Variants in TCF7L1 observed in about 807,000 individuals in gnomAD.
TCF7L1 encodes transcription factor 7-like 1.
A neutral mutation model predicts 63.7 loss-of-function variants in TCF7L1; 18 were observed. That is an observed-to-expected ratio of 0.28 (90% CI 0.20 to 0.42). The LOEUF is 0.42. Ranked by LOEUF, TCF7L1 falls within the 10% of genes least tolerant of loss-of-function variation. The pLI is 1.00. For synonymous variants in TCF7L1, 355 were observed against 340.9 expected, an observed-to-expected ratio of 1.04 and a Z score of -0.46; for missense variants, 654 against 779.3, an observed-to-expected ratio of 0.84 and a Z score of 1.91.
At chr2:85,276,453 C>A (rs1215918931) in intron 3 of TCF7L1, among the ~76,000 whole-genome samples, 1 of 152,222 alleles carries the variant, frequency 6.6e-6, no homozygotes, top group Non-Finnish European at 1.5e-5. Context: ...TCAAAATGCT[C>A]TCCTTGTCCT....
intron 11 of TCF7L1, among the ~76,000 whole-genome samples, chr2:85,308,538 C>G (rs558143053): frequency 7.3e-6 from 1 of 137,078 alleles, no homozygotes; most frequent in Non-Finnish European, 1.6e-5. Flanking sequence ...TTCCGCCCTC[C>G]CTTTCTCCTT....
In TCF7L1 at chr2:85,153,543, G is replaced by A. The variant is rs184139462; in HGVS notation, c.441+19093G>A. ...TTTTTAGTAAAGATGGGATTTCACCGTGTTAGCCAGGTTGGTCTCGATCTC... is the reference window on the plus strand; with the variant it reads ...TTTTTAGTAAAGATGGGATTTCACCATGTTAGCCAGGTTGGTCTCGATCTC... On this transcript the variant is annotated intron_variant, in intron 3 of 11. Coordinates refer to ENST00000282111, the MANE Select transcript of TCF7L1 (RefSeq NM_031283.3). Among the ~76,000 whole-genome samples the A allele has an allele frequency of 3.2e-3, 492 of 151,966 alleles. 2 individuals are homozygous for A. The highest frequency in any genetic ancestry group is 0.011 in the African/African-American group (463 of 41,448).
chr2:85,279,746 G>A (rs527903182), intron 3 of TCF7L1, among the ~76,000 whole-genome samples: 12 of 152,098 alleles, frequency 7.9e-5, no homozygotes, highest in Non-Finnish European at 1.6e-4. Context: ...CTCCCAGAGT[G>A]AGTCCCTCCC....
At chr2:85,189,746 G>C (rs1210228177) in intron 3 of TCF7L1, among the ~76,000 whole-genome samples, 1 of 152,230 alleles carries the variant, frequency 6.6e-6, no homozygotes, top group Non-Finnish European at 1.5e-5. Context: ...CAGGCTGAAA[G>C]GGCCCATTCA....
intron 3 of TCF7L1, among the ~76,000 whole-genome samples, chr2:85,170,696 G>A (rs1323172370): frequency 6.6e-6 from 1 of 152,076 alleles, no homozygotes; most frequent in African/African-American, 2.4e-5. Context: ...GGACATCCCA[G>A]GAAAGAAAAA....
At chr2:85,174,921 T>C (rs1291812986) in intron 3 of TCF7L1, among the ~76,000 whole-genome samples, 4 of 152,224 alleles carry the variant, frequency 2.6e-5, no homozygotes, top group African/African-American at 7.2e-5. Flanking sequence ...CAGGCCTTTT[T>C]GGACATGACC....
At chr2:85,202,702 A>C (rs967885783) in intron 3 of TCF7L1, among the ~76,000 whole-genome samples, 1 of 152,228 alleles carries the variant, frequency 6.6e-6, no homozygotes, top group East Asian at 1.9e-4. Context: ...ATATTAGAAT[A>C]TTAGAGCAGG....
At chr2:85,194,278 A>G (rs1366014427) in intron 3 of TCF7L1, among the ~76,000 whole-genome samples, 1 of 152,200 alleles carries the variant, frequency 6.6e-6, no homozygotes, top group Non-Finnish European at 1.5e-5. Context: ...CTGTAATCCC[A>G]GCACTTTGGG....
chr2:85,218,113 T>C (rs1436111492), intron 3 of TCF7L1, among the ~76,000 whole-genome samples: 1 of 152,166 alleles, frequency 6.6e-6, no homozygotes, highest in Non-Finnish European at 1.5e-5. Flanking sequence ...ATATGTCTTA[T>C]ATCCCTTAAG....
intron 4 of TCF7L1, among the ~76,000 whole-genome samples, chr2:85,290,938 C>T (rs1032977600): frequency 1.3e-5 from 2 of 152,264 alleles, no homozygotes; most frequent in African/African-American, 4.8e-5. Context: ...TGGGCGGCAG[C>T]CACACCTTGT....
At chr2:85,151,422 T>A (rs1039219204) in intron 3 of TCF7L1, among the ~76,000 whole-genome samples, 5 of 152,202 alleles carry the variant, frequency 3.3e-5, no homozygotes, top group Non-Finnish European at 5.9e-5. Context: ...TCTCCTTTTT[T>A]AACTTATTTT....
intron 4 of TCF7L1, among the ~76,000 whole-genome samples, chr2:85,289,395 AG>A (rs1681633231): frequency 6.6e-6 from 1 of 152,218 alleles, no homozygotes; most frequent in African/African-American, 2.4e-5. Context: ...AAATGGTTGC[AG>A]TTCTCCAAAA....
rs541606910 is a variant in TCF7L1 at position 85,207,999 on chromosome 2, C to T, written c.441+73549C>T. ...TCGGCCCACTGCAAGCTCTGCCTCC[C>T]GGGTTCACGCCATTCTCCTGCCTCA... On this transcript the variant is annotated intron_variant, in intron 3 of 11. Transcript: ENST00000282111. Among the ~76,000 whole-genome samples, 639 of 152,134 alleles carry T rather than the reference C, an allele frequency of 4.2e-3. 8 individuals carry two copies. Among genetic ancestry groups the T allele is most frequent in the African/African-American group, 0.015 (624 of 41,498 alleles).
At chr2:85,194,663 A>C (rs1357948381) in intron 3 of TCF7L1, among the ~76,000 whole-genome samples, 1 of 152,144 alleles carries the variant, frequency 6.6e-6, no homozygotes, top group East Asian at 1.9e-4. Context: ...CCTTGAGCCC[A>C]GGGTAAATAG....
At position 85,276,432 on chromosome 2, in the gene TCF7L1, AATGAC is replaced by A. The variant is rs565169504; in HGVS notation, c.442-7060_442-7056del. Among the ~76,000 whole-genome samples, 249 of 152,346 alleles carry A rather than the reference AATGAC, an allele frequency of 1.6e-3. 1 individual carries two copies. The highest frequency in any genetic ancestry group is 5.8e-3 in the African/African-American group (240 of 41,566). On this transcript the variant is annotated intron_variant, in intron 3 of 11. Coordinates refer to ENST00000282111, the MANE Select transcript of TCF7L1 (RefSeq NM_031283.3). The stretch of plus-strand genomic sequence containing the variant: ...TGTGGCGGCTTCCCACCACAGTGAC[AATGAC>A]ATTATTCAAAATGCTCTCCTTGTCC...
At chr2:85,308,880 T>A in intron 11 of TCF7L1, 149 bp from the exon 12 acceptor site, 3 of 894,738 alleles carry the variant, frequency 3.4e-6, no homozygotes, top group Admixed American at 2.4e-5. Context: ...GAATGCAGTT[T>A]CCTAGTCTTG....
chr2:85,305,282 C>G lies in TCF7L1; in HGVS notation c.868C>G (p.Pro290Ala). 1 of 1,614,106 alleles carries G rather than the reference C, an allele frequency of 6.2e-7. No individual in the cohort carries two copies. The highest frequency in any genetic ancestry group is 8.5e-7 in the Non-Finnish European group (1 of 1,180,028). The change falls in exon 8 of 12, where the codon CCT becomes GCT. Residue 290 changes from proline to alanine, a missense_variant. Coordinates refer to ENST00000282111, the MANE Select transcript of TCF7L1 (RefSeq NM_031283.3). ...CAGCCTGGTCTCCAGTCGGTTCTCT[C>G]CTCACATGGTGGCTCCTGCCCACCC... ...MSSLVSSRFS[P>A]HMVAPAHPGL... is the part of the protein sequence containing the mutation.
intron 3 of TCF7L1, among the ~76,000 whole-genome samples, chr2:85,260,812 G>T (rs555323334): frequency 6.6e-6 from 1 of 152,256 alleles, no homozygotes; most frequent in South Asian, 2.1e-4. Flanking sequence ...AGAAAACTCA[G>T]TATCACATAC....
chr2:85,226,052 T>C (rs1679947675), intron 3 of TCF7L1, among the ~76,000 whole-genome samples: 1 of 152,254 alleles, frequency 6.6e-6, no homozygotes, highest in Admixed American at 6.5e-5. Flanking sequence ...TTTTTGTCGT[T>C]GGTTCTGTTT....
Sources: allele counts gnomAD v4.1 joint callset (sites outside exome capture counted in the v4.1 genomes callset), GRCh38; gene constraint gnomAD v4.1.1; transcripts MANE v1.5; gene names NCBI Gene and HGNC (gene_info 2026-07-23, HGNC 2026-07-21).